The following SUCLA2 variants were observed in gnomAD, a reference collection of about 807,000 sequenced individuals.
SUCLA2 encodes succinate-CoA ligase ADP-forming subunit beta, also known as succinate--CoA ligase [ADP-forming] subunit beta, mitochondrial.
Under a neutral mutation model 54.8 loss-of-function variants are expected in SUCLA2, and 30 were observed. The observed-to-expected ratio is 0.55, with a 90% CI of 0.41 to 0.74. SUCLA2 has a LOEUF of 0.74. Among genes scored for constraint, SUCLA2 ranks in the 30% least tolerant of loss-of-function variants. SUCLA2 has a pLI of 0.00. For synonymous variants in SUCLA2, 172 were observed against 188.9 expected, an observed-to-expected ratio of 0.91 and a Z score of 0.74; for missense variants, 476 against 562.9, an observed-to-expected ratio of 0.85 and a Z score of 1.56.
intron 6 of SUCLA2, chr13:47,956,942 G>A (rs1181792171): frequency 6.6e-6 from 1 of 152,190 alleles, no homozygotes; most frequent in Non-Finnish European, 1.5e-5. Flanking sequence ...TAGTCCCACA[G>A]ACTATTCTTT....
At chr13:47,967,136 CT>C (rs1176284693) in intron 6 of SUCLA2, among the ~76,000 whole-genome samples, 1 of 151,946 alleles carries the variant, frequency 6.6e-6, no homozygotes, top group African/African-American at 2.4e-5. Context: ...TAATTTGTGA[CT>C]CAGTATTAAG....
At chr13:47,993,216 A>G (rs1349758443) in intron 2 of SUCLA2, among the ~76,000 whole-genome samples, 2 of 152,184 alleles carry the variant, frequency 1.3e-5, no homozygotes, top group Non-Finnish European at 2.9e-5. Context: ...TGGGTGACAG[A>G]ACAAGACACT....
At chr13:47,947,432 T>C (rs548308440) in intron 10 of SUCLA2, among the ~76,000 whole-genome samples, 2 of 152,276 alleles carry the variant, frequency 1.3e-5, no homozygotes, top group South Asian at 4.2e-4. Context: ...CAGGTAATTA[T>C]CCTACTTTTC....
At chr13:47,986,399 T>C (rs1021371179) in intron 4 of SUCLA2, among the ~76,000 whole-genome samples, 1 of 152,210 alleles carries the variant, frequency 6.6e-6, no homozygotes, top group African/African-American at 2.4e-5. Context: ...TTTGCTTTTT[T>C]TCTTGAAAAT....
At chr13:47,945,499 A>T (rs1206841529) in intron 10 of SUCLA2, among the ~76,000 whole-genome samples, 1 of 151,186 alleles carries the variant, frequency 6.6e-6, no homozygotes, top group Non-Finnish European at 1.5e-5. Flanking sequence ...CGAGTGTTCA[A>T]TGAAATGTCT....
intron 10 of SUCLA2, among the ~76,000 whole-genome samples, chr13:47,943,766 G>GTA (rs1555255588): frequency 2.9e-5 from 4 of 139,670 alleles, no homozygotes; most frequent in African/African-American, 8.1e-5. Flanking sequence ...GTGTGTGTGT[G>GTA]TATATATATA....
intron 2 of SUCLA2, chr13:47,994,795 C>T: frequency 1.0e-6 from 1 of 984,490 alleles, no homozygotes; most frequent in Non-Finnish European, 1.2e-6. Context: ...ATCAGAGCTG[C>T]CTACCTGCTT....
At chr13:47,979,555 G>A (rs1283619795) in intron 4 of SUCLA2, among the ~76,000 whole-genome samples, 2 of 152,112 alleles carry the variant, frequency 1.3e-5, no homozygotes, top group African/African-American at 4.8e-5. Flanking sequence ...GTTGATGGGT[G>A]CAGCAAACCA....
At chr13:47,954,942 T>C (rs1473323004) in intron 6 of SUCLA2, among the ~76,000 whole-genome samples, 1 of 152,204 alleles carries the variant, frequency 6.6e-6, no homozygotes, top group South Asian at 2.1e-4. Context: ...CTGTCTCCCC[T>C]ACATTATAAA....
At chr13:47,991,348 T>C (rs1950147768) in intron 2 of SUCLA2, among the ~76,000 whole-genome samples, 1 of 152,196 alleles carries the variant, frequency 6.6e-6, no homozygotes, top group Non-Finnish European at 1.5e-5. Flanking sequence ...GTTCCTGCCT[T>C]CAGGACTTGG....
chr13:47,954,480 A>T lies in SUCLA2; in HGVS notation c.880T>A (p.Trp294Arg). 1 of 1,613,962 alleles carries T rather than the reference A, an allele frequency of 6.2e-7. No individual in the cohort carries two copies. Among genetic ancestry groups the T allele is most frequent in the Non-Finnish European group, 8.5e-7 (1 of 1,179,894 alleles). The change falls in exon 7 of 11, where the codon TGG becomes AGG. Residue 294 changes from tryptophan to arginine, a missense_variant. Transcript: ENST00000646932. ...RQKKIFDLQD[W>R]TQEDERDKDA... ...TTGTCCCTTTCATCTTCCTGGGTCC[A>T]GTCCTGTAGATCAAAGATTTTCTTT... is the stretch of plus-strand genomic sequence containing the variant.
At chr13:47,979,402 A>G (rs1950043618) in intron 4 of SUCLA2, among the ~76,000 whole-genome samples, 2 of 151,572 alleles carry the variant, frequency 1.3e-5, no homozygotes, top group Admixed American at 1.3e-4. Context: ...AAAACCAAAC[A>G]CCGCATGTTC....
chr13:47,949,053 A>T (rs1258445239), intron 9 of SUCLA2, 25 bp from the exon 10 acceptor site: 1 of 1,601,760 alleles, frequency 6.2e-7, no homozygotes, highest in African/African-American at 1.3e-5. Context: ...TGCAAATATA[A>T]ATGTTTTAAA....
At chr13:47,984,744 C>A (rs1950087644) in intron 4 of SUCLA2, among the ~76,000 whole-genome samples, 1 of 151,558 alleles carries the variant, frequency 6.6e-6, no homozygotes, top group Admixed American at 6.6e-5. Context: ...CCACTGCACT[C>A]CAGCCTGGGC....
intron 10 of SUCLA2, among the ~76,000 whole-genome samples, chr13:47,944,101 G>C (rs1173794855): frequency 1.3e-5 from 2 of 149,954 alleles, no homozygotes; most frequent in African/African-American, 5.1e-5. Context: ...AATTAGTTAA[G>C]AAAAGGCTTT....
chr13:47,954,443 T>C lies in SUCLA2; in HGVS notation c.917A>G (p.Lys306Arg), dbSNP rs1327900541. 10 of 1,613,944 alleles carry C rather than the reference T, an allele frequency of 6.2e-6. No individual in the cohort carries two copies. Among genetic ancestry groups the C allele is most frequent in the Non-Finnish European group, 8.5e-6 (10 of 1,179,942 alleles). Reference protein sequence around the residue: ...QEDERDKDAAKANLNYIGLDG... With the variant: ...QEDERDKDAARANLNYIGLDG... ...GAGGCCAATGTAGTTGAGATTTGCC[T>C]TAGCAGCATCTTTGTCCCTTTCATC... The change falls in exon 7 of 11, where the codon AAG becomes AGG. Residue 306 changes from lysine to arginine, a missense_variant. This residue lies in a region of SUCLA2 where 342 missense variants were observed against 444.2 expected (regional missense o/e 0.77). Coordinates refer to ENST00000646932, the MANE Select transcript of SUCLA2 (RefSeq NM_003850.3).
chr13:47,972,581 A>G lies in SUCLA2; in HGVS notation c.663+683T>C, dbSNP rs1448978091. ...CTACTTGGGAGGCTCAAACAGGAGA[A>G]TTGCTTGATCCTGGGAGGCGGAGGT... is the stretch of plus-strand genomic sequence containing the variant. On this transcript the variant is annotated intron_variant, in intron 5 of 10. Coordinates refer to ENST00000646932, the MANE Select transcript of SUCLA2 (RefSeq NM_003850.3). Among the ~76,000 whole-genome samples the G allele has an allele frequency of 3.3e-5, 5 of 150,470 alleles. No homozygotes were observed. In the East Asian group the frequency reaches 6.1e-4, roughly 18 times the overall value.
At chr13:47,968,561 G>A (rs749734374) in intron 6 of SUCLA2, 34 bp downstream of exon 6, 6 of 1,608,716 alleles carry the variant, frequency 3.7e-6, no homozygotes, top group Middle Eastern at 2.3e-4. Flanking sequence ...AGAAATAAAT[G>A]CATAATCATG....
At chr13:47,972,188 G>T (rs972360943) in intron 5 of SUCLA2, 6 of 271,334 alleles carry the variant, frequency 2.2e-5, no homozygotes, top group Non-Finnish European at 3.4e-5. Context: ...TCAGAAGGCA[G>T]AGGTTGGAGT....
Sources: allele counts gnomAD v4.1 joint callset (sites outside exome capture counted in the v4.1 genomes callset), GRCh38; gene constraint gnomAD v4.1.1; regional missense constraint gnomAD v4.1.1; transcripts MANE v1.5; gene names NCBI Gene and HGNC (gene_info 2026-07-23, HGNC 2026-07-21).